The following GMDS variants were observed in gnomAD, a reference collection of about 807,000 sequenced individuals.
GMDS encodes GDP-mannose 4,6 dehydratase.
A neutral mutation model predicts 49.9 loss-of-function variants in GMDS; 20 were observed. The ratio of observed to expected loss-of-function variants is 0.40; its 90% CI spans 0.28 to 0.58. The LOEUF (loss-of-function observed/expected upper bound fraction) is 0.58, where lower values mean the gene tolerates loss of function less well. Among genes scored for constraint, GMDS ranks in the 20% least tolerant of loss-of-function variants. The pLI is 0.42. For synonymous variants in GMDS, 177 were observed against 178.6 expected (o/e 0.99, Z 0.07); for missense variants, 362 against 481.4 (o/e 0.75, Z 2.32).
intron 4 of GMDS, among the ~76,000 whole-genome samples, chr6:2,083,234 G>A (rs1433082431): frequency 1.3e-5 from 2 of 152,110 alleles, no homozygotes; most frequent in Admixed American, 6.6e-5. Flanking sequence ...CTTAGTAAAC[G>A]CTAGTATCTT....
intron 4 of GMDS, among the ~76,000 whole-genome samples, chr6:2,012,582 T>A (rs2127395350): frequency 6.6e-6 from 1 of 152,316 alleles, no homozygotes; most frequent in South Asian, 2.1e-4. Context: ...TAGGTCCATG[T>A]GAGAATTTAG....
At chr6:2,049,237 C>A (rs62390734) in intron 4 of GMDS, among the ~76,000 whole-genome samples, 5,470 of 152,232 alleles carry the variant, frequency 0.036, 148 homozygotes, top group Non-Finnish European at 0.053. Flanking sequence ...AGTAATTTAT[C>A]TATAGATTCA....
chr6:2,140,518 A>C (rs941492311), intron 1 of GMDS, among the ~76,000 whole-genome samples: 3 of 152,144 alleles, frequency 2.0e-5, no homozygotes, highest in Non-Finnish European at 4.4e-5. Context: ...AACCTGCAAC[A>C]TGCAAAGCGA....
intron 4 of GMDS, among the ~76,000 whole-genome samples, chr6:2,071,697 A>G (rs1024029383): frequency 4.6e-5 from 7 of 152,036 alleles, no homozygotes; most frequent in Non-Finnish European, 1.0e-4. Flanking sequence ...AAAAAAAAAA[A>G]AAGAACAAAA....
chr6:1,903,105 G>A (rs899071645), intron 7 of GMDS, among the ~76,000 whole-genome samples: 3 of 152,096 alleles, frequency 2.0e-5, no homozygotes, highest in East Asian at 1.9e-4. Context: ...CTACATAGCT[G>A]ATTTACAGAT....
intron 1 of GMDS, among the ~76,000 whole-genome samples, chr6:2,226,023 G>A (rs1038574353): frequency 2.0e-5 from 3 of 151,954 alleles, no homozygotes; most frequent in African/African-American, 7.3e-5. Flanking sequence ...GAAAAAAAGA[G>A]AGAGGAATAG....
At chr6:1,862,541 T>C (rs1758239761) in intron 7 of GMDS, among the ~76,000 whole-genome samples, 1 of 152,234 alleles carries the variant, frequency 6.6e-6, no homozygotes, top group African/African-American at 2.4e-5. Context: ...AGAACAAGGT[T>C]AACAAACATT....
chr6:1,914,607 G>A (rs1761278959), intron 7 of GMDS, among the ~76,000 whole-genome samples: 1 of 152,162 alleles, frequency 6.6e-6, no homozygotes, highest in South Asian at 2.1e-4. Context: ...GGTGACAAGT[G>A]ACACCTGAGA....
At chr6:2,158,926 C>CA (rs1562107218) in intron 1 of GMDS, among the ~76,000 whole-genome samples, 2 of 152,164 alleles carry the variant, frequency 1.3e-5, no homozygotes, top group African/African-American at 4.8e-5. Flanking sequence ...CTACTTACAT[C>CA]AAAAAGCATC....
chr6:1,973,945 C>T (rs1764756801), intron 4 of GMDS, among the ~76,000 whole-genome samples: 1 of 152,106 alleles, frequency 6.6e-6, no homozygotes, highest in East Asian at 1.9e-4. Flanking sequence ...GGCTTCTAGG[C>T]AGGACAAATA....
intron 2 of GMDS, among the ~76,000 whole-genome samples, chr6:2,124,356 A>T (rs908572882): frequency 1.3e-5 from 2 of 152,224 alleles, no homozygotes. Flanking sequence ...GGTGAGTAGG[A>T]CTTTCTTATG....
intron 6 of GMDS, among the ~76,000 whole-genome samples, chr6:1,940,982 C>A (rs991624352): frequency 6.6e-6 from 1 of 152,184 alleles, no homozygotes; most frequent in Admixed American, 6.5e-5. Flanking sequence ...GTGTTGCCAA[C>A]TTCCCCCTGG....
At chr6:1,879,067 T>C (rs1759237872) in intron 7 of GMDS, among the ~76,000 whole-genome samples, 1 of 152,196 alleles carries the variant, frequency 6.6e-6, no homozygotes, top group South Asian at 2.1e-4. Context: ...CTGGTATTTT[T>C]CAAATAGTTG....
At chr6:1,645,473 C>T (rs1182662191) in intron 9 of GMDS, among the ~76,000 whole-genome samples, 11 of 152,216 alleles carry the variant, frequency 7.2e-5, no homozygotes, top group Admixed American at 4.6e-4. Context: ...ACGGCATGCT[C>T]GAGTGCCCGG....
intron 8 of GMDS, among the ~76,000 whole-genome samples, chr6:1,726,743 G>T (rs535165340): frequency 1.3e-5 from 2 of 152,144 alleles, no homozygotes; most frequent in Non-Finnish European, 1.5e-5. Flanking sequence ...AAATCATGAC[G>T]AATTCAGAAG....
At chr6:1,932,962 T>C (rs1486810659) in intron 6 of GMDS, among the ~76,000 whole-genome samples, 1 of 152,198 alleles carries the variant, frequency 6.6e-6, no homozygotes, top group African/African-American at 2.4e-5. Flanking sequence ...TGTACAACCA[T>C]CATCACAATC....
intron 7 of GMDS, among the ~76,000 whole-genome samples, chr6:1,865,712 C>A (rs1408333385): frequency 6.6e-6 from 1 of 152,160 alleles, no homozygotes; most frequent in Non-Finnish European, 1.5e-5. Context: ...GGCTTTGAAC[C>A]TGGGCTCCAC....
chr6:1,963,277 C>G (rs1764071924), intron 4 of GMDS, among the ~76,000 whole-genome samples: 1 of 152,012 alleles, frequency 6.6e-6, no homozygotes, highest in South Asian at 2.1e-4. Flanking sequence ...AGCCTCAAAA[C>G]CTGCTCAAGT....
intron 7 of GMDS, among the ~76,000 whole-genome samples, chr6:1,891,391 G>A (rs529205036): frequency 2.0e-5 from 3 of 152,334 alleles, no homozygotes; most frequent in Admixed American, 1.3e-4. Flanking sequence ...ATAAGCTGGT[G>A]CTATGAATGG....
Sources: gnomAD v4.1 joint callset for allele counts (sites outside exome capture counted in the v4.1 genomes callset) on GRCh38, gnomAD v4.1.1 for gene constraint, MANE v1.5 for transcripts, NCBI Gene and HGNC (gene_info 2026-07-23, HGNC 2026-07-21) for gene names.